TRIM25: variants seen among roughly 807,000 people sequenced by gnomAD.
The protein encoded by TRIM25 is tripartite motif containing 25.
Under a neutral mutation model 65.2 loss-of-function variants are expected in TRIM25, and 45 were observed. The ratio of observed to expected loss-of-function variants is 0.69; its 90% CI spans 0.54 to 0.89. TRIM25 has a LOEUF of 0.89. TRIM25 is among the 40% of genes least tolerant of loss of function. The pLI, the probability that TRIM25 is intolerant of heterozygous loss-of-function variation, is 0.00. For synonymous variants in TRIM25, 321 were observed against 340.4 expected, an observed-to-expected ratio of 0.94 and a Z score of 0.63; for missense variants, 714 against 803.7, an observed-to-expected ratio of 0.89 and a Z score of 1.35.
intron 3 of TRIM25, among the ~76,000 whole-genome samples, chr17:56,901,840 G>A (rs1284719031): frequency 6.6e-6 from 1 of 152,072 alleles, no homozygotes; most frequent in Non-Finnish European, 1.5e-5. Context: ...CCACCAGCTA[G>A]GGGCACAGAC....
rs142146619 is a variant in TRIM25, at chr17:56,890,562, G to A, written c.*1138C>T. On this transcript the variant is annotated 3_prime_UTR_variant, in exon 9 of 9. Coordinates refer to ENST00000316881, the MANE Select transcript of TRIM25 (RefSeq NM_005082.5). The stretch of plus-strand genomic sequence containing the variant: ...TGAGGTTTGCTAAAAGACCCCTTTG[G>A]TGGTAGGTTGACACCCCAGCAAGTG... 111 of 455,142 alleles carry A rather than the reference G, an allele frequency of 2.4e-4. No homozygotes were observed. Among genetic ancestry groups the A allele is most frequent in the African/African-American group, 2.0e-3 (99 of 50,138 alleles). The allele number at this position is 455,142 out of a possible 1,614,324, so 28.2% of individuals were successfully genotyped here.
intron 7 of TRIM25, 39 bp from the exon 8 acceptor site, chr17:56,895,480 C>CA (rs768526389): frequency 2.5e-6 from 4 of 1,614,038 alleles, no homozygotes; most frequent in Non-Finnish European, 3.4e-6. Context: ...AGAACAAACT[C>CA]AGAGTGGACA....
At position 56,895,573 on chromosome 17, in the gene TRIM25, G is replaced by C; in HGVS notation, c.1212C>G (p.Pro404=). ...CTAACTGTTCCGGGGCTCCAAACGT[G>C]GGAAGCTTGCTGGGTAAGGCAGGGA... The part of the protein sequence containing the change: ...PPVPALPSKL[P]TFGAPEQLVD... The change falls in exon 7 of 9, where the codon CCC becomes CCG. Residue 404 remains proline (P), a synonymous_variant. Coordinates refer to ENST00000316881, the MANE Select transcript of TRIM25 (RefSeq NM_005082.5). 6.3e-7 allele frequency: 1 copy of C among 1,577,944 alleles called. No individual in the cohort carries two copies. Among genetic ancestry groups the C allele is most frequent in the Non-Finnish European group, 8.6e-7 (1 of 1,159,938 alleles).
At chr17:56,908,196 T>G (rs1909557175) in intron 2 of TRIM25, among the ~76,000 whole-genome samples, 1 of 152,244 alleles carries the variant, frequency 6.6e-6, no homozygotes, top group Non-Finnish European at 1.5e-5. Context: ...TCCCACTTTA[T>G]ATCATAACCA....
chr17:56,910,486 C>A (rs1909605420), intron 1 of TRIM25, among the ~76,000 whole-genome samples: 1 of 152,208 alleles, frequency 6.6e-6, no homozygotes, highest in South Asian at 2.1e-4. Context: ...GGCCTCAGAG[C>A]AAGAAGAGAC....
rs535886994 is a variant in TRIM25 at position 56,898,980 on chromosome 17, G to C, written c.1153+135C>G. 3.1e-4 allele frequency: 300 copies of C among 964,858 alleles called. 6 individuals are homozygous for C. The East Asian group carries it at 7.5e-3, about 24-fold the overall frequency. The allele number at this position is 964,858 out of a possible 1,614,324, so 59.8% of individuals were successfully genotyped here. On this transcript the variant is annotated intron_variant, in intron 5 of 8. Coordinates refer to ENST00000316881, the MANE Select transcript of TRIM25 (RefSeq NM_005082.5). Reference sequence around the variant, plus strand: ...CACAGCCCTACAGCCCCCCGCAGTGGGGACTGCCACCAACTTCTTTCCCAC... The same window carrying C: ...CACAGCCCTACAGCCCCCCGCAGTGCGGACTGCCACCAACTTCTTTCCCAC...
In TRIM25 at chr17:56,908,728, G is replaced by A. The variant is rs1209901601; in HGVS notation, c.598-165C>T. On this transcript the variant is annotated intron_variant, in intron 1 of 8. Coordinates refer to ENST00000316881, the MANE Select transcript of TRIM25 (RefSeq NM_005082.5). ...GAGTCTTGCCTGCTTGGAGCTTTTT[G>A]AAGCATTCTAATACTTACTACTTCC... 4 of 658,494 alleles carry A rather than the reference G, an allele frequency of 6.1e-6. No homozygotes were observed. The South Asian group carries it at 6.9e-5, about 11-fold the overall frequency. The allele number at this position is 658,494 out of a possible 1,614,324, so 40.8% of individuals were successfully genotyped here. A position where few individuals can be genotyped will look rare whatever the true frequency, so the allele number is the denominator to read the frequency against.
intron 1 of TRIM25, chr17:56,912,869 C>G (rs1261224711): frequency 6.6e-6 from 1 of 152,334 alleles, no homozygotes; most frequent in Non-Finnish European, 1.5e-5. Flanking sequence ...CGCAGTGGTG[C>G]ACGCCTTTAA....
chr17:56,890,255 G>T lies in TRIM25; in HGVS notation c.*1445C>A. On this transcript the variant is annotated 3_prime_UTR_variant, in exon 9 of 9. Transcript: ENST00000316881. ...CATACTCACATCCTGACAACATTAGGCTATAAGGAGCTTGGGGAAAATCCA... is the reference window on the plus strand; with the variant it reads ...CATACTCACATCCTGACAACATTAGTCTATAAGGAGCTTGGGGAAAATCCA... 1 of 324,884 alleles carries T rather than the reference G, an allele frequency of 3.1e-6. No individual in the cohort carries two copies. Among genetic ancestry groups the T allele is most frequent in the Non-Finnish European group, 6.0e-6 (1 of 167,462 alleles). 20.1% of individuals were successfully genotyped at this position (324,884 alleles called of 1,614,324 possible). A position where few individuals can be genotyped will look rare whatever the true frequency, so the allele number is the denominator to read the frequency against.
chr17:56,900,769 G>A (rs1909394665), intron 4 of TRIM25, among the ~76,000 whole-genome samples: 1 of 152,208 alleles, frequency 6.6e-6, no homozygotes, highest in African/African-American at 2.4e-5. Flanking sequence ...GGCTTGACCT[G>A]GCATCTAGAC....
Position 56,895,533 on chromosome 17 carries a change from C to T in TRIM25, c.1252G>A (p.Ala418Thr). 6.2e-7 allele frequency: 1 copy of T among 1,608,190 alleles called. No homozygotes were observed. Among genetic ancestry groups the T allele is most frequent in the Non-Finnish European group, 8.5e-7 (1 of 1,176,252 alleles). The change falls in exon 7 of 9, where the codon GCT (alanine) becomes ACT (threonine). Residue 418 changes from alanine (A) to threonine (T), a missense_variant. Ala to Thr is a moderately conservative substitution (Grantham distance 58). This residue lies in a region of TRIM25 where 413 missense variants were observed against 498.2 expected (regional missense o/e 0.83). Coordinates refer to ENST00000316881, the MANE Select transcript of TRIM25 (RefSeq NM_005082.5). Reference sequence around the variant, plus strand: ...CATGATAACTTACCCTCCAAGCCAGCTTGTTTTAAATCCACTAACTGTTCC... The same window carrying T: ...CATGATAACTTACCCTCCAAGCCAGTTTGTTTTAAATCCACTAACTGTTCC... ...APEQLVDLKQ[A>T]GLEAAAKATS...
chr17:56,913,678 T>C lies in TRIM25; in HGVS notation c.311A>G (p.Gln104Arg), dbSNP rs1909675811. ...ARASAPSPNA[Q>R]VACDHCLKEA... ...CTTCAGGCAGTGGTCGCAGGCCACC[T>C]GGGCATTCGGGCTGGGTGCAGAGGC... Residue 104 changes from glutamine (Q) to arginine (R), a missense_variant, in exon 1 of 9, where the codon CAG (glutamine) becomes CGG (arginine). By Grantham distance (43) the Gln-to-Arg change is conservative (BLOSUM62 1). Around this residue, in one of 3 missense-constraint regions of TRIM25, gnomAD observed 291 missense variants for 281.8 expected, o/e 1.03. Coordinates refer to ENST00000316881, the MANE Select transcript of TRIM25 (RefSeq NM_005082.5). The surrounding 1 kb of genome is among the most constrained non-coding windows in gnomAD (Gnocchi z 6.1). 2 of 1,592,956 alleles carry C rather than the reference T, an allele frequency of 1.3e-6. No individual in the cohort carries two copies. The highest frequency in any genetic ancestry group is 4.5e-5 in the East Asian group (2 of 44,426).
chr17:56,913,773 C>G lies in TRIM25; in HGVS notation c.216G>C (p.Val72=). ...QLHKNTVLCN[V]VEQFLQADLA... is the part of the protein sequence containing the mutation. ...GGTCGGCCTGCAGGAACTGCTCCACCACGTTGCACAGCACCGTGTTCTTGT... is the reference window on the plus strand; with the variant it reads ...GGTCGGCCTGCAGGAACTGCTCCACGACGTTGCACAGCACCGTGTTCTTGT... The change falls in exon 1 of 9, where the codon GTG becomes GTC. Residue 72 remains valine (V), a synonymous_variant. Transcript: ENST00000316881. This position sits in a 1 kb window ranked among gnomAD's most constrained non-coding sequence, Gnocchi z 6.1. The G allele has an allele frequency of 2.6e-6, 4 of 1,549,058 alleles. No homozygotes were observed. The highest frequency in any genetic ancestry group is 3.5e-6 in the Non-Finnish European group (4 of 1,147,888).
chr17:56,910,553 A>G (rs1156271384), intron 1 of TRIM25, among the ~76,000 whole-genome samples: 3 of 152,214 alleles, frequency 2.0e-5, no homozygotes, highest in African/African-American at 2.4e-5. Flanking sequence ...TCATAGCACT[A>G]CACCCTGAGC....
chr17:56,906,498 A>ATT (rs11396918), intron 2 of TRIM25, among the ~76,000 whole-genome samples: 25 of 148,682 alleles, frequency 1.7e-4, no homozygotes, highest in African/African-American at 4.2e-4. Context: ...CTTCGCCAAT[A>ATT]TTTTTTTTTT....
chr17:56,899,254 G>A (rs1209179562), intron 4 of TRIM25, 74 bp from the exon 5 acceptor site: 42 of 1,513,704 alleles, frequency 2.8e-5, no homozygotes, highest in Admixed American at 1.0e-4. Flanking sequence ...GCCATGGGTC[G>A]GTGGGCAGGC....
At chr17:56,892,614 C>A (rs1241569327) in intron 8 of TRIM25, among the ~76,000 whole-genome samples, 4 of 152,172 alleles carry the variant, frequency 2.6e-5, no homozygotes, top group Non-Finnish European at 4.4e-5. Flanking sequence ...TTTATCCATC[C>A]ACCCATCTAT....
intron 1 of TRIM25, chr17:56,912,098 C>G (rs1909642364): frequency 1.3e-5 from 2 of 152,308 alleles, no homozygotes; most frequent in African/African-American, 4.8e-5. Context: ...AGACCCCCAA[C>G]TCTGACCTTG....
intron 5 of TRIM25, among the ~76,000 whole-genome samples, chr17:56,898,502 A>G (rs76198095): frequency 1.1e-3 from 171 of 152,326 alleles, no homozygotes; most frequent in African/African-American, 3.9e-3. Flanking sequence ...TGCCTGCCCA[A>G]TGAGGGGGAT....
Sources: allele counts gnomAD v4.1 joint callset (sites outside exome capture counted in the v4.1 genomes callset), GRCh38; gene constraint gnomAD v4.1.1; regional missense constraint gnomAD v4.1.1; non-coding constraint Gnocchi (gnomAD v3.1); transcripts MANE v1.5; gene names NCBI Gene and HGNC (gene_info 2026-07-23, HGNC 2026-07-21).